The following ZBTB8B variants were observed in gnomAD, a reference collection of about 807,000 sequenced individuals.
ZBTB8B encodes zinc finger and BTB domain containing 8B.
In ZBTB8B, 17 loss-of-function variants were observed where a neutral mutation model predicts 30.3. The ratio of observed to expected loss-of-function variants is 0.56; its 90% CI spans 0.38 to 0.84. ZBTB8B has a LOEUF of 0.84. Among genes scored for constraint, ZBTB8B ranks in the 40% least tolerant of loss-of-function variants. The pLI is 0.00. For synonymous variants in ZBTB8B, 248 were observed against 255.6 expected (o/e 0.97, Z 0.28); for missense variants, 515 against 644.9 (o/e 0.80, Z 2.18).
At chr1:32,476,381 C>T (rs576392119) in intron 2 of ZBTB8B, among the ~76,000 whole-genome samples, 79 of 152,062 alleles carry the variant, frequency 5.2e-4, no homozygotes, top group African/African-American at 1.8e-3. Context: ...CTGTAAAATC[C>T]GAACTGAACT....
rs59559091 is a variant in ZBTB8B, at chr1:32,483,244, C to CAAAAAAAAAAAAAAAAAA, written c.1171-1843_1171-1826dup. Among the ~76,000 whole-genome samples, 9 of 56,372 alleles carry CAAAAAAAAAAAAAAAAAA rather than the reference C, an allele frequency of 1.6e-4. 4 individuals carry two copies. The highest frequency in any genetic ancestry group is 4.2e-4 in the African/African-American group (4 of 9,506). The allele number at this position is 56,372 out of a possible 152,430, so 37.0% of individuals were successfully genotyped here. A position where few individuals can be genotyped will look rare whatever the true frequency, so the allele number is the denominator to read the frequency against. On this transcript the variant is annotated intron_variant, in intron 3 of 3. Coordinates refer to ENST00000609129, the MANE Select transcript of ZBTB8B (RefSeq NM_001145720.2). ...CGAAACCCCTTATCTACTAAAAATC[C>CAAAAAAAAAAAAAAAAAA]AAAAAAAAAAAAAAAAAAAAAAAAA... is the stretch of plus-strand genomic sequence containing the variant.
At chr1:32,480,177 C>A (rs1643693765) in intron 2 of ZBTB8B, among the ~76,000 whole-genome samples, 1 of 152,000 alleles carries the variant, frequency 6.6e-6, no homozygotes, top group Non-Finnish European at 1.5e-5. Flanking sequence ...TCTAGAGGCT[C>A]CAGCAGAGTT....
chr1:32,474,367 A>ATTG (rs1643646532), intron 2 of ZBTB8B, among the ~76,000 whole-genome samples: 1 of 142,952 alleles, frequency 7.0e-6, no homozygotes, highest in Non-Finnish European at 1.5e-5. Flanking sequence ...AAAAAAAAAA[A>ATTG]AAAAAAAAAA....
chr1:32,479,300 G>A (rs143051804), intron 2 of ZBTB8B, among the ~76,000 whole-genome samples: 2,087 of 152,240 alleles, frequency 0.014, 27 homozygotes, highest in Middle Eastern at 0.027. Context: ...TGAGGCAGCC[G>A]GATCACCTGA....
intron 2 of ZBTB8B, 103 bp downstream of exon 2, chr1:32,471,718 CACTACCAACATTAT>C: frequency 7.8e-7 from 1 of 1,279,646 alleles, no homozygotes; most frequent in Admixed American, 2.5e-5. Flanking sequence ...TCATCATTGT[CACTACCAACATTAT>C]CAGTACCATC....
rs934488494 is a variant in ZBTB8B, at chr1:32,488,820, G to C, written c.*3402G>C. ...GTATTTATTTATTTATTTTGAGATG[G>C]AGTTTCATCTTTGTCACCCAGGCTG... On this transcript the variant is annotated 3_prime_UTR_variant, in exon 4 of 4. Coordinates refer to ENST00000609129, the MANE Select transcript of ZBTB8B (RefSeq NM_001145720.2). 1.3e-5 allele frequency: 2 copies of C among 151,676 alleles called. No homozygotes were observed. The highest frequency in any genetic ancestry group is 4.8e-5 in the African/African-American group (2 of 41,250). The allele number at this position is 151,676 out of a possible 1,614,324, so 9.4% of individuals were successfully genotyped here. A position where few individuals can be genotyped will look rare whatever the true frequency, so the allele number is the denominator to read the frequency against.
rs1257085759 is a variant in ZBTB8B at position 32,494,868 on chromosome 1, G to A, written c.*9450G>A. 2.6e-5 allele frequency: 4 copies of A among 151,794 alleles called. No individual in the cohort carries two copies. Among genetic ancestry groups the A allele is most frequent in the Non-Finnish European group, 2.9e-5 (2 of 67,976 alleles). 9.4% of individuals were successfully genotyped at this position (151,794 alleles called of 1,614,324 possible). On this transcript the variant is annotated 3_prime_UTR_variant, in exon 4 of 4. Transcript: ENST00000609129. ...GGCTGGAGTGCAGTGGTGCAATCTCGGCCCACTGCAATCTCCGCCTCCAGA... is the reference window on the plus strand; with the variant it reads ...GGCTGGAGTGCAGTGGTGCAATCTCAGCCCACTGCAATCTCCGCCTCCAGA...
At chr1:32,479,897 A>T (rs1030940929) in intron 2 of ZBTB8B, among the ~76,000 whole-genome samples, 2 of 152,236 alleles carry the variant, frequency 1.3e-5, no homozygotes. Context: ...ATATTTGATG[A>T]TTTCAGATAT....
At chr1:32,480,313 GGA>G (rs1473467091) in intron 2 of ZBTB8B, among the ~76,000 whole-genome samples, 1 of 152,046 alleles carries the variant, frequency 6.6e-6, no homozygotes, top group African/African-American at 2.4e-5. Flanking sequence ...GCAGGGAGAA[GGA>G]GAGAGAGATC....
intron 2 of ZBTB8B, among the ~76,000 whole-genome samples, chr1:32,477,911 G>T (rs1449279576): frequency 1.3e-5 from 2 of 151,920 alleles, no homozygotes; most frequent in Non-Finnish European, 2.9e-5. Context: ...TATAAAATTA[G>T]CCAGGCATGG....
intron 3 of ZBTB8B, among the ~76,000 whole-genome samples, chr1:32,483,130 C>G (rs1372292618): frequency 6.6e-6 from 1 of 151,158 alleles, no homozygotes; most frequent in Non-Finnish European, 1.5e-5. Context: ...GTGGCTCACA[C>G]CTGTAATCCC....
chr1:32,467,182 C>G (rs973618782), intron 1 of ZBTB8B, among the ~76,000 whole-genome samples: 1 of 150,456 alleles, frequency 6.6e-6, no homozygotes, highest in Non-Finnish European at 1.5e-5. Context: ...AATACATGCA[C>G]ATAGTAAAAC....
chr1:32,479,909 T>C (rs911451206), intron 2 of ZBTB8B, among the ~76,000 whole-genome samples: 1 of 152,206 alleles, frequency 6.6e-6, no homozygotes, highest in East Asian at 1.9e-4. Context: ...TTCAGATATA[T>C]AGAGTTAATA....
rs986175092 is a variant in ZBTB8B at position 32,488,275 on chromosome 1, G to A, written c.*2857G>A. 6.6e-6 allele frequency: 1 copy of A among 152,082 alleles called. No individual in the cohort carries two copies. The highest frequency in any genetic ancestry group is 1.5e-5 in the Non-Finnish European group (1 of 67,994). 9.4% of individuals were successfully genotyped at this position (152,082 alleles called of 1,614,324 possible). A position where few individuals can be genotyped will look rare whatever the true frequency, so the allele number is the denominator to read the frequency against. On this transcript the variant is annotated 3_prime_UTR_variant, in exon 4 of 4. Coordinates refer to ENST00000609129, the MANE Select transcript of ZBTB8B (RefSeq NM_001145720.2). ...TATATTTGCTGTTATTTTAAAAGAG[G>A]GATCTCAGCAAAAAGGAAACCTAAA...
intron 1 of ZBTB8B, among the ~76,000 whole-genome samples, chr1:32,466,458 T>G (rs540183102): frequency 1.3e-5 from 2 of 152,172 alleles, no homozygotes; most frequent in Non-Finnish European, 2.9e-5. Flanking sequence ...CGGATAAATG[T>G]GCTTCTGAGA....
chr1:32,473,168 C>T (rs1643636746), intron 2 of ZBTB8B, among the ~76,000 whole-genome samples: 4 of 152,130 alleles, frequency 2.6e-5, no homozygotes, highest in South Asian at 4.1e-4. Context: ...AGGCTGGGCG[C>T]GGCGGCACGC....
chr1:32,469,345 A>C (rs1182694797), intron 1 of ZBTB8B, among the ~76,000 whole-genome samples: 1 of 146,944 alleles, frequency 6.8e-6, no homozygotes, highest in African/African-American at 2.6e-5. Flanking sequence ...TCCTGGGTTC[A>C]AGCAATTCTC....
In ZBTB8B at chr1:32,470,976, A is replaced by G. The variant is rs1477108682; in HGVS notation, c.352A>G (p.Ile118Val). 1.0e-5 allele frequency: 16 copies of G among 1,552,254 alleles called. No individual in the cohort carries two copies. Among genetic ancestry groups the G allele is most frequent in the Non-Finnish European group, 1.3e-5 (15 of 1,147,114 alleles). Residue 118 changes from isoleucine (I) to valine (V), a missense_variant, in exon 2 of 4, where the codon ATT becomes GTT. Transcript: ENST00000609129. ...NDVVNFCKTY[I>V]RSSLDICRKM... is the part of the protein sequence containing the mutation. The stretch of plus-strand genomic sequence containing the variant: ...CGTGGTGAACTTCTGCAAGACATAC[A>G]TTAGGTCATCCCTCGACATTTGCCG...
In ZBTB8B at chr1:32,495,196, C is replaced by T. The variant is rs1643809163; in HGVS notation, c.*9778C>T. 1 of 152,118 alleles carries T rather than the reference C, an allele frequency of 6.6e-6. No individual in the cohort carries two copies. Among genetic ancestry groups the T allele is most frequent in the Non-Finnish European group, 1.5e-5 (1 of 68,028 alleles). The allele number at this position is 152,118 out of a possible 1,614,324, so 9.4% of individuals were successfully genotyped here. On this transcript the variant is annotated 3_prime_UTR_variant, in exon 4 of 4. Transcript: ENST00000609129. Reference sequence around the variant, plus strand: ...ACCACATATTTTTAAGTCAGCAGCCCACATGATAAGATGGTATTGAGTAAA... The same window carrying T: ...ACCACATATTTTTAAGTCAGCAGCCTACATGATAAGATGGTATTGAGTAAA...
Sources: gnomAD v4.1 joint callset for allele counts (sites outside exome capture counted in the v4.1 genomes callset) on GRCh38, gnomAD v4.1.1 for gene constraint, MANE v1.5 for transcripts, NCBI Gene and HGNC (gene_info 2026-07-23, HGNC 2026-07-21) for gene names.